The following CPNE4 variants were observed in gnomAD, a reference collection of about 807,000 sequenced individuals.
CPNE4 encodes the protein copine 4.
A neutral mutation model predicts 67.9 loss-of-function variants in CPNE4; 25 were observed. That is an observed-to-expected ratio of 0.37 (90% CI 0.27 to 0.51). CPNE4 has a LOEUF of 0.51. Ranked by LOEUF, CPNE4 falls within the 20% of genes least tolerant of loss-of-function variation. The pLI is 0.93. For missense variants in CPNE4, 464 were observed against 690.8 expected (o/e 0.67, Z 3.68); for synonymous variants, 242 against 244.9 (o/e 0.99, Z 0.11).
intron 1 of CPNE4, among the ~76,000 whole-genome samples, chr3:131,928,604 C>T (rs556713501): frequency 2.6e-5 from 4 of 152,286 alleles, no homozygotes; most frequent in South Asian, 2.1e-4. Context: ...CCAGACCTGA[C>T]GCTGTATTCA....
At chr3:131,712,721 A>G (rs1240989032) in intron 3 of CPNE4, among the ~76,000 whole-genome samples, 1 of 152,238 alleles carries the variant, frequency 6.6e-6, no homozygotes, top group African/African-American at 2.4e-5. Context: ...GGAGTGTTTC[A>G]TGCTTTAGGG....
intron 3 of CPNE4, among the ~76,000 whole-genome samples, chr3:131,703,925 A>G (rs200272789): frequency 2.0e-5 from 3 of 152,200 alleles, no homozygotes; most frequent in East Asian, 3.9e-4. Context: ...AGGTAAATAC[A>G]TATTATTTGA....
At chr3:131,670,324 C>T (rs2080375675) in intron 6 of CPNE4, among the ~76,000 whole-genome samples, 1 of 152,186 alleles carries the variant, frequency 6.6e-6, no homozygotes, top group Non-Finnish European at 1.5e-5. Context: ...TTATCACCAA[C>T]TCAATTACAA....
At chr3:131,564,422 G>C (rs1285683344) in intron 10 of CPNE4, 73 bp from the exon 11 acceptor site, 5 of 1,448,518 alleles carry the variant, frequency 3.5e-6, no homozygotes, top group Non-Finnish European at 4.7e-6. Context: ...TCAGTCATGA[G>C]AGAGACCTGG....
At chr3:132,008,138 A>T (rs991581846) in intron 1 of CPNE4, among the ~76,000 whole-genome samples, 1 of 152,176 alleles carries the variant, frequency 6.6e-6, no homozygotes, top group Non-Finnish European at 1.5e-5. Flanking sequence ...GGAATGATTC[A>T]GTTTCTTGGA....
At chr3:131,884,442 T>C (rs985277744) in intron 2 of CPNE4, among the ~76,000 whole-genome samples, 2 of 152,116 alleles carry the variant, frequency 1.3e-5, no homozygotes, top group African/African-American at 4.8e-5. Flanking sequence ...CAGCAATGGG[T>C]ACACTAGTCT....
chr3:131,877,729 G>A (rs1227564262), intron 2 of CPNE4, among the ~76,000 whole-genome samples: 1 of 152,154 alleles, frequency 6.6e-6, no homozygotes, highest in Non-Finnish European at 1.5e-5. Context: ...ATGACTGTAG[G>A]AGTAAATTGA....
intron 1 of CPNE4, among the ~76,000 whole-genome samples, chr3:132,029,071 A>G (rs1163165860): frequency 6.6e-6 from 1 of 152,152 alleles, no homozygotes; most frequent in Non-Finnish European, 1.5e-5. Context: ...CCAGATCCTA[A>G]TACTCGGGTT....
At chr3:131,618,504 T>C (rs1193147697) in intron 7 of CPNE4, among the ~76,000 whole-genome samples, 1 of 152,164 alleles carries the variant, frequency 6.6e-6, no homozygotes, top group Non-Finnish European at 1.5e-5. Flanking sequence ...TTTGGGCTAC[T>C]GGAAATTGTA....
intron 7 of CPNE4, among the ~76,000 whole-genome samples, chr3:131,656,894 TG>T (rs1329719914): frequency 6.6e-6 from 1 of 152,010 alleles, no homozygotes; most frequent in Non-Finnish European, 1.5e-5. Flanking sequence ...GGGGAGGCAA[TG>T]GAGAGGGACA....
intron 2 of CPNE4, among the ~76,000 whole-genome samples, chr3:131,857,177 C>T (rs1311261368): frequency 6.6e-6 from 1 of 151,988 alleles, no homozygotes; most frequent in Non-Finnish European, 1.5e-5. Context: ...GAAAGATACT[C>T]TGTGCTAATA....
chr3:131,842,766 T>C (rs1399045859), intron 2 of CPNE4, among the ~76,000 whole-genome samples: 1 of 151,344 alleles, frequency 6.6e-6, no homozygotes, highest in Admixed American at 6.6e-5. Flanking sequence ...GCCATATCTC[T>C]TCACATCTGA....
intron 7 of CPNE4, among the ~76,000 whole-genome samples, chr3:131,607,901 C>A (rs1582883693): frequency 6.6e-6 from 1 of 152,148 alleles, no homozygotes; most frequent in South Asian, 2.1e-4. Flanking sequence ...AGGAAGCAGT[C>A]ATTCTTAGGG....
At chr3:131,973,691 T>A (rs1249703416) in intron 1 of CPNE4, among the ~76,000 whole-genome samples, 1 of 152,192 alleles carries the variant, frequency 6.6e-6, no homozygotes, top group Non-Finnish European at 1.5e-5. Flanking sequence ...TTCTCCCACA[T>A]CAAAATGTAT....
intron 10 of CPNE4, among the ~76,000 whole-genome samples, chr3:131,567,988 G>T (rs1559911557): frequency 6.6e-6 from 1 of 151,932 alleles, no homozygotes; most frequent in African/African-American, 2.4e-5. Flanking sequence ...CTACGTCTAT[G>T]ACAACGAGAG....
At chr3:131,722,774 G>T (rs75092739) in intron 3 of CPNE4, among the ~76,000 whole-genome samples, 13,372 of 152,082 alleles carry the variant, frequency 0.088, 795 homozygotes, top group South Asian at 0.12. Context: ...CAACAAAAAG[G>T]AAAGGAAAAA....
At chr3:131,874,558 T>C (rs1055694110) in intron 2 of CPNE4, among the ~76,000 whole-genome samples, 3 of 152,212 alleles carry the variant, frequency 2.0e-5, no homozygotes, top group South Asian at 4.1e-4. Context: ...GTTTCTTTAC[T>C]AGAAATGAAG....
intron 8 of CPNE4, among the ~76,000 whole-genome samples, chr3:131,586,722 C>CTCTATCTATCTA (rs111608363): frequency 0.01 from 1,542 of 148,464 alleles, 23 homozygotes; most frequent in African/African-American, 0.037. Flanking sequence ...GACTTTCTAT[C>CTCTATCTATCTA]TCTATCTGTC....
At chr3:131,720,598 A>G (rs1435889640) in intron 3 of CPNE4, among the ~76,000 whole-genome samples, 2 of 152,112 alleles carry the variant, frequency 1.3e-5, no homozygotes, top group Non-Finnish European at 2.9e-5. Flanking sequence ...ATGGTTCTTC[A>G]TGGCTGATGT....
Sources: gnomAD v4.1 joint callset for allele counts (sites outside exome capture counted in the v4.1 genomes callset) on GRCh38, gnomAD v4.1.1 for gene constraint, MANE v1.5 for transcripts, NCBI Gene and HGNC (gene_info 2026-07-23, HGNC 2026-07-21) for gene names.